Variants in SNTG1 observed in about 807,000 individuals in gnomAD.
The protein encoded by SNTG1 is gamma-1-syntrophin.
In SNTG1, 39 loss-of-function variants were observed where a neutral mutation model predicts 74.7. That is an observed-to-expected ratio of 0.52 (90% confidence interval 0.40 to 0.68). The LOEUF (loss-of-function observed/expected upper bound fraction) is 0.68. Ranked by LOEUF, SNTG1 falls within the 30% of genes least tolerant of loss-of-function variation. The pLI, the probability that SNTG1 is intolerant of heterozygous loss-of-function variation, is 0.00. For synonymous variants in SNTG1, 254 were observed against 217.1 expected, an observed-to-expected ratio of 1.17 and a Z score of -1.49; for missense variants, 685 against 609.5, an observed-to-expected ratio of 1.12 and a Z score of -1.30.
intron 13 of SNTG1, among the ~76,000 whole-genome samples, chr8:50,633,844 G>A (rs1459798880): frequency 6.6e-6 from 1 of 152,178 alleles, no homozygotes; most frequent in African/African-American, 2.4e-5. Flanking sequence ...AGAGGCTAAT[G>A]GGACATTGCT....
intron 9 of SNTG1, among the ~76,000 whole-genome samples, chr8:50,507,594 T>G (rs189251746): frequency 6.6e-6 from 1 of 152,320 alleles, no homozygotes; most frequent in East Asian, 1.9e-4. Context: ...TTTTCTAGAT[T>G]ATTCAGTTTG....
chr8:50,643,821 G>A (rs983998392), intron 13 of SNTG1: 2 of 152,452 alleles, frequency 1.3e-5, no homozygotes, highest in Non-Finnish European at 2.9e-5. Flanking sequence ...TGCTGCCCTG[G>A]AGAGCCAAGA....
chr8:50,748,599 T>C (rs929040324), intron 17 of SNTG1, among the ~76,000 whole-genome samples: 13 of 152,042 alleles, frequency 8.6e-5, no homozygotes, highest in Non-Finnish European at 1.6e-4. Flanking sequence ...AATTGCAGGT[T>C]TGTGGCAACC....
chr8:50,514,885 A>T (rs923075000), intron 9 of SNTG1, among the ~76,000 whole-genome samples: 4 of 152,036 alleles, frequency 2.6e-5, no homozygotes, highest in Non-Finnish European at 5.9e-5. Flanking sequence ...AGTTTGCTTC[A>T]TATATTTGGA....
chr8:50,176,017 G>A (rs1374054822), intron 2 of SNTG1, among the ~76,000 whole-genome samples: 2 of 152,134 alleles, frequency 1.3e-5, no homozygotes, highest in Non-Finnish European at 2.9e-5. Flanking sequence ...CTTTGTGTTT[G>A]CTGCCCTCTC....
intron 1 of SNTG1, among the ~76,000 whole-genome samples, chr8:50,048,829 G>T (rs1297908407): frequency 1.3e-5 from 2 of 151,952 alleles, no homozygotes; most frequent in African/African-American, 4.8e-5. Flanking sequence ...GTGAATAATG[G>T]CAGTTGCCAA....
chr8:50,474,361 A>G (rs2093678298), intron 8 of SNTG1, among the ~76,000 whole-genome samples: 1 of 151,604 alleles, frequency 6.6e-6, no homozygotes, highest in East Asian at 1.9e-4. Context: ...TCTACAATGA[A>G]CTCAAACAAA....
intron 1 of SNTG1, among the ~76,000 whole-genome samples, chr8:49,974,441 G>A (rs1811999198): frequency 6.6e-6 from 1 of 152,118 alleles, no homozygotes; most frequent in African/African-American, 2.4e-5. Flanking sequence ...ATATGCCCAA[G>A]GGCACATAGT....
chr8:50,727,123 G>A (rs1222670253), intron 17 of SNTG1, among the ~76,000 whole-genome samples: 1 of 152,118 alleles, frequency 6.6e-6, no homozygotes, highest in Non-Finnish European at 1.5e-5. Flanking sequence ...AACTATATTA[G>A]TGGTGTATAA....
In SNTG1 at chr8:50,755,669, A is replaced by T. The variant is rs539273263; in HGVS notation, c.1395+3558A>T. 3.0e-4 allele frequency among the ~76,000 whole-genome samples: 45 copies of T among 151,970 alleles called. No homozygotes were observed. In the South Asian group the frequency reaches 8.1e-3, roughly 27 times the overall value. On this transcript the variant is annotated intron_variant, in intron 18 of 18. Transcript: ENST00000642720. ...TGGTAAAACAGTGTTTAGTTTTTTT[A>T]AAATTGCCAAACTGTCTTCCAAAGT...
chr8:50,339,098 C>G (rs1563917229), intron 2 of SNTG1, among the ~76,000 whole-genome samples: 1 of 152,152 alleles, frequency 6.6e-6, no homozygotes, highest in East Asian at 1.9e-4. Flanking sequence ...TTACATTGGA[C>G]TTCTCTTAGA....
At chr8:50,782,741 C>T (rs1486868345) in intron 18 of SNTG1, among the ~76,000 whole-genome samples, 1 of 152,184 alleles carries the variant, frequency 6.6e-6, no homozygotes, top group Non-Finnish European at 1.5e-5. Flanking sequence ...TGTTCCGTTG[C>T]TGGTGAGGAG....
chr8:50,720,279 A>G (rs2095484698), intron 17 of SNTG1, among the ~76,000 whole-genome samples: 1 of 152,178 alleles, frequency 6.6e-6, no homozygotes. Flanking sequence ...GCCTTTTAAT[A>G]ACTTTCTCTA....
At position 50,289,489 on chromosome 8, in the gene SNTG1, C is replaced by T. The variant is rs1243845222; in HGVS notation, c.-27-104723C>T. Among the ~76,000 whole-genome samples, 6 of 152,266 alleles carry T rather than the reference C, an allele frequency of 3.9e-5. No homozygotes were observed. The South Asian group carries it at 1.2e-3, about 32-fold the overall frequency. On this transcript the variant is annotated intron_variant, in intron 2 of 18. Coordinates refer to ENST00000642720, the MANE Select transcript of SNTG1 (RefSeq NM_018967.5). Reference sequence around the variant, plus strand: ...ATACCTTAGTTATAGTGAGACAGTGCTGTGCACCATTAAAGAGTTTGCACA... The same window carrying T: ...ATACCTTAGTTATAGTGAGACAGTGTTGTGCACCATTAAAGAGTTTGCACA...
At chr8:50,445,275 G>A (rs1228225857) in intron 5 of SNTG1, among the ~76,000 whole-genome samples, 1 of 152,144 alleles carries the variant, frequency 6.6e-6, no homozygotes, top group Non-Finnish European at 1.5e-5. Flanking sequence ...GTCCATTGCA[G>A]CTCTTAACTC....
chr8:50,536,902 T>TCAA, intron 11 of SNTG1, 94 bp downstream of exon 11: 2 of 1,423,322 alleles, frequency 1.4e-6, no homozygotes, highest in Admixed American at 4.4e-5. Flanking sequence ...CCTTATGATT[T>TCAA]TAGTATGTTT....
At chr8:49,954,531 C>G (rs1296686219) in intron 1 of SNTG1, among the ~76,000 whole-genome samples, 1 of 152,042 alleles carries the variant, frequency 6.6e-6, no homozygotes, top group Non-Finnish European at 1.5e-5. Context: ...TTGAAAGAAC[C>G]AGAAACTGTA....
intron 17 of SNTG1, among the ~76,000 whole-genome samples, chr8:50,733,021 T>C (rs2095516688): frequency 2.0e-5 from 3 of 152,138 alleles, no homozygotes; most frequent in African/African-American, 7.2e-5. Flanking sequence ...ATTCAAGGTA[T>C]GGATCCTGCC....
intron 1 of SNTG1, among the ~76,000 whole-genome samples, chr8:50,131,732 T>C (rs55736281): frequency 0.11 from 16,497 of 152,098 alleles, 2,931 homozygotes; most frequent in African/African-American, 0.37. Flanking sequence ...CATATGGTAG[T>C]TCCATATTTA....
Sources: gnomAD v4.1 joint callset for allele counts (sites outside exome capture counted in the v4.1 genomes callset) on GRCh38, gnomAD v4.1.1 for gene constraint, MANE v1.5 for transcripts, NCBI Gene and HGNC (gene_info 2026-07-23, HGNC 2026-07-21) for gene names.